The following NDUFA12 variants were observed in gnomAD, a reference collection of about 807,000 sequenced individuals.
NDUFA12 encodes NADH:ubiquinone oxidoreductase subunit A12, also known as NADH dehydrogenase [ubiquinone] 1 alpha subcomplex subunit 12.
Under a neutral mutation model 20.3 loss-of-function variants are expected in NDUFA12, and 17 were observed. The observed-to-expected ratio is 0.84, with a 90% CI of 0.57 to 1.26. The LOEUF (loss-of-function observed/expected upper bound fraction) is 1.26. Ranked by LOEUF, NDUFA12 falls within the 50% of genes most tolerant of loss-of-function variation. The pLI is 0.00. For synonymous variants in NDUFA12, 72 were observed against 63.6 expected (o/e 1.13, Z -0.63); for missense variants, 191 against 183.7 (o/e 1.04, Z -0.23).
chr12:94,973,899 G>T (rs1189917131), intron 3 of NDUFA12, among the ~76,000 whole-genome samples: 4 of 150,208 alleles, frequency 2.7e-5, no homozygotes, highest in Admixed American at 6.6e-5. Flanking sequence ...TTAAATAAGG[G>T]GTAAAAAAAA....
intron 3 of NDUFA12, among the ~76,000 whole-genome samples, chr12:94,991,733 AAAAAAAAAAGC>A (rs1329365844): frequency 6.6e-6 from 1 of 151,814 alleles, no homozygotes; most frequent in East Asian, 1.9e-4. Flanking sequence ...TCTCAAAAAA[AAAAAAAAAAGC>A]AAGAAAAAAC....
chr12:94,991,451 G>A (rs139210066), intron 3 of NDUFA12, among the ~76,000 whole-genome samples: 83 of 151,474 alleles, frequency 5.5e-4, no homozygotes, highest in African/African-American at 1.9e-3. Flanking sequence ...GAACTGACCC[G>A]GTGCAGTGGC....
At chr12:94,981,692 A>G (rs11833532) in intron 3 of NDUFA12, among the ~76,000 whole-genome samples, 18,947 of 152,206 alleles carry the variant, frequency 0.12, 1,924 homozygotes, top group African/African-American at 0.28. Flanking sequence ...TATTTCACTC[A>G]CCACTGTGAA....
chr12:94,971,388 A>G lies in NDUFA12; in HGVS notation c.*52T>C, dbSNP rs747804737. The G allele has an allele frequency of 5.9e-6, 9 of 1,531,932 alleles. No individual in the cohort carries two copies. The highest frequency in any genetic ancestry group is 8.1e-6 in the Non-Finnish European group (9 of 1,105,554). The allele number at this position is 1,531,932 out of a possible 1,614,324, so 94.9% of individuals were successfully genotyped here. A position where few individuals can be genotyped will look rare whatever the true frequency, so the allele number is the denominator to read the frequency against. On this transcript the variant is annotated 3_prime_UTR_variant, in exon 4 of 4. Transcript: ENST00000327772. ...AGTGAATGGTAAACAGTAAAAGAGT[A>G]ATTACATGAAAAGCTCCATATTTTG...
chr12:94,979,812 G>A lies in NDUFA12; in HGVS notation c.258-8192C>T, dbSNP rs1054261488. 2.0e-5 allele frequency among the ~76,000 whole-genome samples: 3 copies of A among 149,692 alleles called. No individual in the cohort carries two copies. In the Admixed American group the frequency reaches 2.0e-4, roughly 10 times the overall value. ...ATCATGCCACTGCACTCCAGCCTGG[G>A]TGACAAGAGCAAGACCCTGTCTCAA... On this transcript the variant is annotated intron_variant, in intron 3 of 3. Coordinates refer to ENST00000327772, the MANE Select transcript of NDUFA12 (RefSeq NM_018838.5).
chr12:94,997,958 A>G (rs1874891903), intron 2 of NDUFA12, among the ~76,000 whole-genome samples: 1 of 152,216 alleles, frequency 6.6e-6, no homozygotes, highest in East Asian at 1.9e-4. Context: ...TTTGTCAGTC[A>G]GTGCTGCTGC....
At chr12:94,984,839 G>A (rs910982329) in intron 3 of NDUFA12, among the ~76,000 whole-genome samples, 85 of 150,776 alleles carry the variant, frequency 5.6e-4, no homozygotes, top group African/African-American at 1.8e-3. Context: ...TTAGCTGGGC[G>A]TGGCAGCGCA....
intron 3 of NDUFA12, among the ~76,000 whole-genome samples, chr12:94,981,472 T>C (rs1288131939): frequency 6.6e-6 from 1 of 152,184 alleles, no homozygotes; most frequent in African/African-American, 2.4e-5. Flanking sequence ...TGTTATTTGT[T>C]ATCTACTTAA....
At chr12:94,982,623 A>G (rs1874280970) in intron 3 of NDUFA12, among the ~76,000 whole-genome samples, 1 of 152,132 alleles carries the variant, frequency 6.6e-6, no homozygotes, top group Non-Finnish European at 1.5e-5. Flanking sequence ...AAGGGAGATG[A>G]GAGCATCATG....
In NDUFA12 at chr12:95,002,730, T is replaced by C. The variant is rs901552586; in HGVS notation, c.169+9A>G. The C allele has an allele frequency of 7.5e-6, 12 of 1,604,216 alleles. No individual in the cohort carries two copies. The African/African-American group carries it at 8.0e-5, about 11-fold the overall frequency. On this transcript the variant is annotated intron_variant, in intron 2 of 3. Coordinates refer to ENST00000327772, the MANE Select transcript of NDUFA12 (RefSeq NM_018838.5). Reference sequence around the variant, plus strand: ...TCCAATTATTCATACTAAAAAATACTGCACTCACCAAAAAATTGCTTGTTG... The same window carrying C: ...TCCAATTATTCATACTAAAAAATACCGCACTCACCAAAAAATTGCTTGTTG...
chr12:94,994,553 G>A (rs1035458698), intron 2 of NDUFA12, among the ~76,000 whole-genome samples: 4 of 152,196 alleles, frequency 2.6e-5, no homozygotes, highest in East Asian at 3.9e-4. Flanking sequence ...CACAGAGGGA[G>A]TAGCAGACAG....
intron 3 of NDUFA12, 63 bp from the exon 4 acceptor site, chr12:94,971,683 T>C: frequency 1.3e-6 from 2 of 1,572,210 alleles, no homozygotes; most frequent in Non-Finnish European, 1.8e-6. Context: ...GGAAGGACGG[T>C]TAAAAACGTA....
At chr12:94,984,010 G>A (rs562431252) in intron 3 of NDUFA12, among the ~76,000 whole-genome samples, 54 of 152,106 alleles carry the variant, frequency 3.6e-4, no homozygotes, top group Non-Finnish European at 6.0e-4. Flanking sequence ...CTGGTTTGGG[G>A]TGCTGGAGGC....
At chr12:94,976,359 A>T (rs1054939376) in intron 3 of NDUFA12, among the ~76,000 whole-genome samples, 1 of 152,212 alleles carries the variant, frequency 6.6e-6, no homozygotes, top group African/African-American at 2.4e-5. Flanking sequence ...AATCGAGGAG[A>T]TAAGAATAAA....
intron 3 of NDUFA12, among the ~76,000 whole-genome samples, chr12:94,981,881 G>A (rs1243802422): frequency 6.6e-6 from 1 of 152,190 alleles, no homozygotes; most frequent in Non-Finnish European, 1.5e-5. Context: ...TTTTGTACTG[G>A]TGGACTTAGC....
chr12:94,982,636 A>G (rs933898), intron 3 of NDUFA12, among the ~76,000 whole-genome samples: 132,218 of 152,064 alleles, frequency 0.87, 57,587 homozygotes, highest in Admixed American at 0.9. Context: ...GCATCATGAG[A>G]CAGGTGCAGG....
At chr12:94,976,546 A>G (rs1165769107) in intron 3 of NDUFA12, among the ~76,000 whole-genome samples, 2 of 152,232 alleles carry the variant, frequency 1.3e-5, no homozygotes, top group African/African-American at 4.8e-5. Context: ...ATGTCTGCAT[A>G]TGACTTCATT....
At position 95,003,622 on chromosome 12, in the gene NDUFA12, A is replaced by G. The variant is rs2136075361; in HGVS notation, c.59T>C (p.Leu20Pro). Residue 20 changes from leucine (L) to proline (P), a missense_variant, in exon 1 of 4, where the codon CTC becomes CCC. By Grantham distance (98) the Leu-to-Pro change is moderately conservative (BLOSUM62 -3). Transcript: ENST00000327772. ...GAAAAAAACCCGTAGATAGCCTCGGAGACCGCCGTGGCCGGTGATCTGCTG... is the reference window on the plus strand; with the variant it reads ...GAAAAAAACCCGTAGATAGCCTCGGGGACCGCCGTGGCCGGTGATCTGCTG... ...GLQQITGHGG[L>P]RGYLRVFFRT... 1 of 1,614,182 alleles carries G rather than the reference A, an allele frequency of 6.2e-7. No homozygotes were observed. The highest frequency in any genetic ancestry group is 2.2e-5 in the East Asian group (1 of 44,874).
At chr12:95,000,743 C>T (rs886759803) in intron 2 of NDUFA12, among the ~76,000 whole-genome samples, 1 of 152,174 alleles carries the variant, frequency 6.6e-6, no homozygotes, top group East Asian at 1.9e-4. Context: ...AACATGCACA[C>T]AAAAAGCATG....
Sources: allele counts gnomAD v4.1 joint callset (sites outside exome capture counted in the v4.1 genomes callset), GRCh38; gene constraint gnomAD v4.1.1; transcripts MANE v1.5; gene names NCBI Gene and HGNC (gene_info 2026-07-23, HGNC 2026-07-21).